ANK3: variants seen among roughly 807,000 people sequenced by gnomAD.
ANK3 encodes ankyrin 3.
In ANK3, 57 loss-of-function variants were observed where a neutral mutation model predicts 370.9. The ratio of observed to expected loss-of-function variants is 0.15; its 90% CI spans 0.12 to 0.19. The LOEUF (loss-of-function observed/expected upper bound fraction) is 0.19, where lower values mean the gene tolerates loss of function less well. Ranked by LOEUF, ANK3 falls within the 10% of genes least tolerant of loss-of-function variation. ANK3 has a pLI of 1.00. For missense variants in ANK3, 4,439 were observed against 5,302.1 expected (o/e 0.84, Z 5.06); for synonymous variants, 1,929 against 1,946.3 (o/e 0.99, Z 0.23).
chr10:60,619,152 A>C (rs758994428), intron 1 of ANK3, among the ~76,000 whole-genome samples: 6 of 152,022 alleles, frequency 3.9e-5, no homozygotes, highest in Non-Finnish European at 7.4e-5. Flanking sequence ...CTGTACCGCC[A>C]AAACATATAG....
chr10:60,357,771 C>T (rs989172847), intron 1 of ANK3, among the ~76,000 whole-genome samples: 13 of 152,172 alleles, frequency 8.5e-5, no homozygotes, highest in Non-Finnish European at 1.5e-4. Context: ...AGCCATCCCT[C>T]ATACTTCATA....
intron 1 of ANK3, among the ~76,000 whole-genome samples, chr10:60,671,834 T>A (rs1469072678): frequency 6.6e-6 from 1 of 152,230 alleles, no homozygotes; most frequent in Non-Finnish European, 1.5e-5. Context: ...AAGCACCCTA[T>A]AAAGAAGTCC....
chr10:60,621,275 G>C (rs1454979210), intron 1 of ANK3, among the ~76,000 whole-genome samples: 1 of 152,224 alleles, frequency 6.6e-6, no homozygotes, highest in Non-Finnish European at 1.5e-5. Flanking sequence ...ACCTTTGAGA[G>C]AGAGAGGTGC....
chr10:60,481,954 G>T (rs999271233), intron 2 of ANK3, among the ~76,000 whole-genome samples: 3 of 152,130 alleles, frequency 2.0e-5, no homozygotes, highest in African/African-American at 7.2e-5. Context: ...CTTAAAACAG[G>T]CATGTCCAGA....
intron 1 of ANK3, among the ~76,000 whole-genome samples, chr10:60,285,572 C>A (rs898405729): frequency 2.0e-5 from 3 of 152,046 alleles, no homozygotes; most frequent in Non-Finnish European, 4.4e-5. Flanking sequence ...CCTTCTGTGC[C>A]TCACTGCCTC....
At chr10:60,296,874 G>T (rs1332275600) in intron 1 of ANK3, among the ~76,000 whole-genome samples, 1 of 152,180 alleles carries the variant, frequency 6.6e-6, no homozygotes, top group Non-Finnish European at 1.5e-5. Context: ...CAGTTACTCA[G>T]GAGGCTGAGG....
chr10:60,086,672 C>A lies in ANK3; in HGVS notation c.3748+5G>T, dbSNP rs1411384337. On this transcript the variant is annotated splice_donor_5th_base_variant and intron_variant, in intron 30 of 43. Transcript: ENST00000280772. The stretch of plus-strand genomic sequence containing the variant: ...ATAGGAAGTACAGCAGTGACTTAAC[C>A]AAACCTGTAATGCTACAGAGAAGAC... 1 of 1,610,290 alleles carries A rather than the reference C, an allele frequency of 6.2e-7. No homozygotes were observed. The highest frequency in any genetic ancestry group is 8.5e-7 in the Non-Finnish European group (1 of 1,177,774).
At chr10:60,460,245 C>A (rs1181675228) in intron 2 of ANK3, among the ~76,000 whole-genome samples, 1 of 152,094 alleles carries the variant, frequency 6.6e-6, no homozygotes, top group Non-Finnish European at 1.5e-5. Context: ...AGGAGCAAAC[C>A]CTTTGGGAAA....
intron 1 of ANK3, among the ~76,000 whole-genome samples, chr10:60,299,262 T>C (rs2043188012): frequency 6.6e-6 from 1 of 152,178 alleles, no homozygotes. Context: ...GCAAAAAATA[T>C]TCTGTCTTTA....
chr10:60,576,326 G>A (rs116834006), intron 2 of ANK3, among the ~76,000 whole-genome samples: 1 of 152,290 alleles, frequency 6.6e-6, no homozygotes, highest in African/African-American at 2.4e-5. Flanking sequence ...ACTCGCATAA[G>A]AGGACACCAA....
At chr10:60,321,906 TA>T (rs1305695939) in intron 1 of ANK3, among the ~76,000 whole-genome samples, 1 of 152,194 alleles carries the variant, frequency 6.6e-6, no homozygotes, top group Non-Finnish European at 1.5e-5. Context: ...TAAGTTTCTG[TA>T]AATCTGAGCA....
At chr10:60,622,142 A>G (rs528663785) in intron 1 of ANK3, among the ~76,000 whole-genome samples, 22 of 152,300 alleles carry the variant, frequency 1.4e-4, no homozygotes, top group Middle Eastern at 3.4e-3. Flanking sequence ...AGATGTTATC[A>G]ATTTAGCTCT....
At chr10:60,060,582 G>GTT (rs1483930451) in intron 40 of ANK3, 1 of 152,118 alleles carries the variant, frequency 6.6e-6, no homozygotes, top group Non-Finnish European at 1.5e-5. Context: ...AGAAATGATT[G>GTT]TTTGTTAGAT....
Position 60,139,013 on chromosome 10 carries a change from G to T in ANK3, c.2689C>A (p.Leu897Met). ...QDLKELGDDS[L>M]PAEGYMGFSL... Reference sequence around the variant, plus strand: ...AAGCCCATGTAACCCTCTGCAGGCAGGGAATCATCACCCAATTCCTTAAGG... The same window carrying T: ...AAGCCCATGTAACCCTCTGCAGGCATGGAATCATCACCCAATTCCTTAAGG... The change falls in exon 24 of 44, where the codon CTG becomes ATG. Residue 897 changes from leucine to methionine, a missense_variant. Physicochemically the swap from Leu to Met is conservative, Grantham distance 15 (BLOSUM62 2). This residue lies in a region of ANK3 where 702 missense variants were observed against 941.5 expected (regional missense o/e 0.75). Transcript: ENST00000280772. 1 of 1,613,772 alleles carries T rather than the reference G, an allele frequency of 6.2e-7. No homozygotes were observed. The highest frequency in any genetic ancestry group is 8.5e-7 in the Non-Finnish European group (1 of 1,179,836).
chr10:60,172,651 T>G (rs74156425), intron 20 of ANK3, among the ~76,000 whole-genome samples: 1,535 of 151,658 alleles, frequency 0.01, 27 homozygotes, highest in African/African-American at 0.035. Context: ...ACCAACACAA[T>G]TTTTTTTTCT....
intron 2 of ANK3, among the ~76,000 whole-genome samples, chr10:60,464,380 AAAC>A (rs200596931): frequency 0.024 from 3,653 of 152,280 alleles, 80 homozygotes; most frequent in Non-Finnish European, 0.034. Context: ...TTTTTTCTGA[AAAC>A]AAGATAATAG....
chr10:60,156,559 C>T (rs1290325522), intron 23 of ANK3, among the ~76,000 whole-genome samples: 3 of 152,202 alleles, frequency 2.0e-5, no homozygotes, highest in African/African-American at 7.2e-5. Flanking sequence ...ATCCCTCCCC[C>T]AACTCCAGGC....
At chr10:60,684,543 C>A (rs2079242913) in intron 1 of ANK3, 2 of 1,575,654 alleles carry the variant, frequency 1.3e-6, no homozygotes, top group Admixed American at 1.7e-5. Flanking sequence ...CTATCCTGTC[C>A]AGTCTGCCTT....
intron 5 of ANK3, among the ~76,000 whole-genome samples, chr10:60,269,623 T>C (rs191014177): frequency 6.6e-6 from 1 of 151,462 alleles, no homozygotes; most frequent in East Asian, 1.9e-4. Flanking sequence ...CCAGCCTAGG[T>C]GACAGAGTGA....
Sources: gnomAD v4.1 joint callset for allele counts (sites outside exome capture counted in the v4.1 genomes callset) on GRCh38, gnomAD v4.1.1 for gene constraint, gnomAD v4.1.1 regional missense constraint, MANE v1.5 for transcripts, NCBI Gene and HGNC (gene_info 2026-07-23, HGNC 2026-07-21) for gene names.